Variants in TET1 observed in about 807,000 individuals in gnomAD.
The protein encoded by TET1 is methylcytosine dioxygenase TET1.
A neutral mutation model predicts 148.7 loss-of-function variants in TET1; 13 were observed. That is an observed-to-expected ratio of 0.09 (90% CI 0.06 to 0.14). The LOEUF is 0.14. Ranked by LOEUF, TET1 falls within the 10% of genes least tolerant of loss-of-function variation. TET1 has a pLI of 1.00. For synonymous variants in TET1, 907 were observed against 937.2 expected, an observed-to-expected ratio of 0.97 and a Z score of 0.59; for missense variants, 2,182 against 2,553.8, an observed-to-expected ratio of 0.85 and a Z score of 3.14.
chr10:68,594,522 A>G (rs1183818575), intron 2 of TET1, among the ~76,000 whole-genome samples: 2 of 152,154 alleles, frequency 1.3e-5, no homozygotes, highest in African/African-American at 4.8e-5. Context: ...GAGTAGCCTC[A>G]GGGAAAGGGG....
Position 68,646,531 on chromosome 10 carries a change from C to G in TET1, c.3802C>G (p.Leu1268Val). 1 of 1,614,162 alleles carries G rather than the reference C, an allele frequency of 6.2e-7. No homozygotes were observed. Among genetic ancestry groups the G allele is most frequent in the African/African-American group, 1.3e-5 (1 of 75,026 alleles). The part of the protein sequence containing the change: ...EPLDSLSLFH[L>V]KTESNGKAFT... Reference sequence around the variant, plus strand: ...ATTGGATTCACTCAGCTTATTTCATCTTAAAACGGAATCCAACGGGAAGGC... The same window carrying G: ...ATTGGATTCACTCAGCTTATTTCATGTTAAAACGGAATCCAACGGGAAGGC... The change falls in exon 4 of 12, where the codon CTT becomes GTT. Residue 1268 changes from leucine to valine, a missense_variant. Leu to Val is a conservative substitution (Grantham distance 32, BLOSUM62 1). Around this residue, in one of 11 missense-constraint regions of TET1, gnomAD observed 582 missense variants for 599.5 expected, o/e 0.97. Transcript: ENST00000373644.
chr10:68,605,739 T>A lies in TET1; in HGVS notation c.1968+4705T>A, dbSNP rs1190598115. 3.3e-5 allele frequency among the ~76,000 whole-genome samples: 5 copies of A among 152,180 alleles called. No individual in the cohort carries two copies. The East Asian group carries it at 5.8e-4, about 18-fold the overall frequency. ...CATGCTGGCCAGTCTGGTCTCAAAC[T>A]CCTGGCCTCAAGTGATCTGCCCACT... On this transcript the variant is annotated intron_variant, in intron 3 of 11. Transcript: ENST00000373644.
rs554603753 is a variant in TET1, at chr10:68,640,757, T to A, written c.1969-3941T>A. ...TAGTAGAGATGGGATTTCACCATGT[T>A]AGCCAGGATGGTCTCTATCTCCTGA... On this transcript the variant is annotated intron_variant, in intron 3 of 11. Coordinates refer to ENST00000373644, the MANE Select transcript of TET1 (RefSeq NM_030625.3). Among the ~76,000 whole-genome samples the A allele has an allele frequency of 7.9e-5, 12 of 151,368 alleles. No individual in the cohort carries two copies. The East Asian group carries it at 1.4e-3, about 17-fold the overall frequency.
rs117181710 is a variant in TET1 at position 68,680,170 on chromosome 10, G to C, written c.4825-1229G>C. On this transcript the variant is annotated intron_variant, in intron 8 of 11. Coordinates refer to ENST00000373644, the MANE Select transcript of TET1 (RefSeq NM_030625.3). Reference sequence around the variant, plus strand: ...GAAACCACTAAATAATTGACTTGCTGTGTCTAAATTATTGTGTAGCTTTGG... The same window carrying C: ...GAAACCACTAAATAATTGACTTGCTCTGTCTAAATTATTGTGTAGCTTTGG... Among the ~76,000 whole-genome samples the C allele has an allele frequency of 1.6e-3, 239 of 152,292 alleles. 4 individuals carry two copies. Among genetic ancestry groups the C allele is most frequent in the East Asian group, 0.014 (72 of 5,190 alleles).
intron 3 of TET1, among the ~76,000 whole-genome samples, chr10:68,626,797 C>T (rs748573438): frequency 4.6e-5 from 7 of 152,014 alleles, no homozygotes; most frequent in Non-Finnish European, 1.0e-4. Context: ...AGTGATCTGC[C>T]CTCAGACTCC....
At chr10:68,675,255 A>G (rs1035577873) in intron 8 of TET1, among the ~76,000 whole-genome samples, 3 of 152,246 alleles carry the variant, frequency 2.0e-5, no homozygotes, top group African/African-American at 4.8e-5. Context: ...AATAATTTTC[A>G]CCAAAATAAA....
chr10:68,600,963 C>G lies in TET1; in HGVS notation c.1915-18C>G, dbSNP rs576484089. On this transcript the variant is annotated intron_variant, in intron 2 of 11. Transcript: ENST00000373644. ...ATTTCTTAAACAGAGGCTCATTTTG[C>G]AATTTGATTTTTTTTAGGTTATAAA... The G allele has an allele frequency of 1.5e-5, 24 of 1,593,722 alleles. No homozygotes were observed. The East Asian group carries it at 4.7e-4, about 31-fold the overall frequency.
chr10:68,585,396 C>T (rs1219410197), intron 2 of TET1, among the ~76,000 whole-genome samples: 1 of 152,046 alleles, frequency 6.6e-6, no homozygotes, highest in Non-Finnish European at 1.5e-5. Context: ...AGCTTCCCAA[C>T]GTGCTGGGAT....
rs927602318 is a variant in TET1, at chr10:68,693,976, G to A, written c.*2162G>A. ...TATTTTTCTTTGGATCACCACCTAT[G>A]ACATAGTAAACTTGAAGAATAAAAA... On this transcript the variant is annotated 3_prime_UTR_variant, in exon 12 of 12. Transcript: ENST00000373644. 9 of 230,498 alleles carry A rather than the reference G, an allele frequency of 3.9e-5. No homozygotes were observed. Among genetic ancestry groups the A allele is most frequent in the African/African-American group, 2.0e-4 (9 of 45,320 alleles). The allele number at this position is 230,498 out of a possible 1,614,324, so 14.3% of individuals were successfully genotyped here.
At chr10:68,650,625 C>A (rs1312399390) in intron 4 of TET1, among the ~76,000 whole-genome samples, 2 of 151,552 alleles carry the variant, frequency 1.3e-5, no homozygotes, top group South Asian at 2.1e-4. Context: ...GAGTGAAACG[C>A]CATCTCAAAA....
intron 2 of TET1, among the ~76,000 whole-genome samples, chr10:68,592,074 T>C (rs529384199): frequency 2.0e-5 from 3 of 152,220 alleles, no homozygotes; most frequent in East Asian, 1.9e-4. Flanking sequence ...TCCCAAAACT[T>C]TGGGAGGCCG....
chr10:68,571,390 G>A (rs1470550690), intron 1 of TET1, among the ~76,000 whole-genome samples: 4 of 151,856 alleles, frequency 2.6e-5, no homozygotes, highest in South Asian at 2.1e-4. Flanking sequence ...CGCAATCTCC[G>A]CCTCCTGGGT....
At chr10:68,602,444 G>A (rs2054069592) in intron 3 of TET1, among the ~76,000 whole-genome samples, 2 of 152,118 alleles carry the variant, frequency 1.3e-5, no homozygotes, top group South Asian at 4.1e-4. Flanking sequence ...CTCATTTGTT[G>A]GGGTTGTGGA....
chr10:68,635,840 C>G (rs752662509), intron 3 of TET1, among the ~76,000 whole-genome samples: 1 of 152,088 alleles, frequency 6.6e-6, no homozygotes, highest in Non-Finnish European at 1.5e-5. Flanking sequence ...AAAAACAAAA[C>G]AACGAAGTGA....
chr10:68,616,901 G>A (rs1488895127), intron 3 of TET1, among the ~76,000 whole-genome samples: 1 of 149,338 alleles, frequency 6.7e-6, no homozygotes, highest in Non-Finnish European at 1.5e-5. Context: ...TAGAGACGGG[G>A]TTTCACTGTG....
intron 3 of TET1, among the ~76,000 whole-genome samples, chr10:68,643,500 G>A (rs963966174): frequency 1.3e-5 from 2 of 152,034 alleles, no homozygotes; most frequent in African/African-American, 4.8e-5. Flanking sequence ...CTATGTGTAT[G>A]TTCTACTTGA....
At position 68,662,245 on chromosome 10, in the gene TET1, G is replaced by A. The variant is rs966548146; in HGVS notation, c.4462-4800G>A. Among the ~76,000 whole-genome samples the A allele has an allele frequency of 1.2e-4, 19 of 152,046 alleles. 1 individual carries two copies. In the South Asian group the frequency reaches 4.0e-3, roughly 32 times the overall value. The stretch of plus-strand genomic sequence containing the variant: ...GCCAGTCTCGAACTCCTGACCTCAA[G>A]TGATCCACCCGCCTTGACCTCCCAA... On this transcript the variant is annotated intron_variant, in intron 6 of 11. Coordinates refer to ENST00000373644, the MANE Select transcript of TET1 (RefSeq NM_030625.3).
At chr10:68,606,614 A>G (rs1856831) in intron 3 of TET1, among the ~76,000 whole-genome samples, 6,091 of 152,256 alleles carry the variant, frequency 0.04, 138 homozygotes, top group Middle Eastern at 0.068. Flanking sequence ...AACAAAAAAA[A>G]AAACACATGT....
chr10:68,565,476 AT>A (rs67361271), intron 1 of TET1, among the ~76,000 whole-genome samples: 40,994 of 92,874 alleles, frequency 0.44, 6,366 homozygotes, highest in Non-Finnish European at 0.47. Flanking sequence ...AAAAAAAAAA[AT>A]ATATATATAT....
Sources: gnomAD v4.1 joint callset for allele counts (sites outside exome capture counted in the v4.1 genomes callset) on GRCh38, gnomAD v4.1.1 for gene constraint, gnomAD v4.1.1 regional missense constraint, MANE v1.5 for transcripts, NCBI Gene and HGNC (gene_info 2026-07-23, HGNC 2026-07-21) for gene names.